Variants in LPP observed in about 807,000 individuals in gnomAD.
LPP encodes the protein LIM domain containing preferred translocation partner in lipoma, also known as lipoma-preferred partner.
LPP carries 38 observed loss-of-function variants against 60.4 expected under a neutral mutation model. The observed-to-expected ratio is 0.63, with a 90% CI of 0.49 to 0.83. The LOEUF (loss-of-function observed/expected upper bound fraction) is 0.83. Among genes scored for constraint, LPP ranks in the 40% least tolerant of loss-of-function variants. The pLI, the probability that LPP is intolerant of heterozygous loss-of-function variation, is 0.00. For missense variants in LPP, 902 were observed against 783.6 expected (o/e 1.15, Z -1.80); for synonymous variants, 328 against 290.8 (o/e 1.13, Z -1.30).
chr3:188,539,483 A>G (rs1177815630), intron 6 of LPP, among the ~76,000 whole-genome samples: 1 of 152,156 alleles, frequency 6.6e-6, no homozygotes, highest in East Asian at 1.9e-4. Flanking sequence ...GAACTGAGGA[A>G]GGCAGTCAGC....
At chr3:188,231,825 T>C (rs1315255855) in intron 2 of LPP, among the ~76,000 whole-genome samples, 1 of 152,198 alleles carries the variant, frequency 6.6e-6, no homozygotes, top group African/African-American at 2.4e-5. Flanking sequence ...AATTGGAATC[T>C]TGAGCTTTGA....
chr3:188,684,388 A>G (rs1860200451), intron 7 of LPP, among the ~76,000 whole-genome samples: 1 of 152,232 alleles, frequency 6.6e-6, no homozygotes, highest in African/African-American at 2.4e-5. Context: ...ACACCTTTTT[A>G]CATTATGAAA....
chr3:188,641,091 C>A (rs1257274262), intron 7 of LPP, among the ~76,000 whole-genome samples: 1 of 151,702 alleles, frequency 6.6e-6, no homozygotes, highest in Non-Finnish European at 1.5e-5. Context: ...AAGGTTAAAT[C>A]TAAAGAAGTA....
At chr3:188,375,225 A>G (rs1560317315) in intron 3 of LPP, among the ~76,000 whole-genome samples, 1 of 152,190 alleles carries the variant, frequency 6.6e-6, no homozygotes, top group Non-Finnish European at 1.5e-5. Context: ...GCCTCATAAA[A>G]TGAGTTAGGG....
At chr3:188,255,707 T>G (rs1341953880) in intron 2 of LPP, among the ~76,000 whole-genome samples, 2 of 152,236 alleles carry the variant, frequency 1.3e-5, no homozygotes, top group African/African-American at 4.8e-5. Flanking sequence ...ATGCTGACAC[T>G]AAAAATCTAG....
Position 188,462,628 on chromosome 3 carries a change from GTGTGTGTTAC to G in LPP, c.194-21962_194-21953del, listed in dbSNP as rs1301919296. On this transcript the variant is annotated intron_variant, in intron 4 of 11. Coordinates refer to ENST00000617246, the MANE Select transcript of LPP (RefSeq NM_001375462.1). ...TGTGTGTGTGTGTGTGTGTGTGTGTGTGTGTGTTACTTTTTTGGGTGTTTATTTTTAATTT... is the reference window on the plus strand; with the variant it reads ...TGTGTGTGTGTGTGTGTGTGTGTGTGTTTTTTGGGTGTTTATTTTTAATTT... Among the ~76,000 whole-genome samples the G allele has an allele frequency of 3.8e-3, 327 of 86,776 alleles. 2 individuals carry two copies. Among genetic ancestry groups the G allele is most frequent in the Non-Finnish European group, 7.0e-3 (267 of 38,158 alleles). 56.9% of individuals were successfully genotyped at this position (86,776 alleles called of 152,430 possible). A position where few individuals can be genotyped will look rare whatever the true frequency, so the allele number is the denominator to read the frequency against.
chr3:188,644,305 A>C (rs1850717373), intron 7 of LPP, among the ~76,000 whole-genome samples: 2 of 152,202 alleles, frequency 1.3e-5, no homozygotes, highest in Admixed American at 1.3e-4. Flanking sequence ...TAAAGAAAAC[A>C]ATTCTAGTGA....
intron 7 of LPP, among the ~76,000 whole-genome samples, chr3:188,698,062 G>A (rs546047695): frequency 3.9e-5 from 6 of 152,230 alleles, no homozygotes; most frequent in African/African-American, 1.4e-4. Context: ...TTGTAATTGA[G>A]GATAGTTTTT....
At chr3:188,154,103 C>G, upstream of LPP, 1 of 162,104 alleles carries the variant, frequency 6.2e-6, no homozygotes, top group Non-Finnish European at 1.3e-5. Flanking sequence ...CAGTGTGGGG[C>G]GCGGGGCCGG....
intron 7 of LPP, among the ~76,000 whole-genome samples, chr3:188,697,901 T>C (rs1863614207): frequency 6.8e-6 from 1 of 146,924 alleles, no homozygotes; most frequent in South Asian, 2.1e-4. Context: ...GGCACTATAA[T>C]GGCAAGAATT....
At chr3:188,617,224 T>C (rs369410600) in intron 7 of LPP, among the ~76,000 whole-genome samples, 4 of 152,304 alleles carry the variant, frequency 2.6e-5, no homozygotes, top group East Asian at 3.9e-4. Flanking sequence ...TTCAGAATCA[T>C]AAGTCTTAAC....
intron 5 of LPP, among the ~76,000 whole-genome samples, chr3:188,506,454 G>A (rs1361809651): frequency 6.6e-6 from 1 of 152,132 alleles, no homozygotes; most frequent in Non-Finnish European, 1.5e-5. Context: ...ATCATTGCAT[G>A]TACATTAATC....
At chr3:188,845,642 C>A (rs1761207167) in intron 9 of LPP, among the ~76,000 whole-genome samples, 1 of 152,146 alleles carries the variant, frequency 6.6e-6, no homozygotes, top group African/African-American at 2.4e-5. Context: ...GGTATATATG[C>A]TGTGTACCCT....
rs367741333 is a variant in LPP, at chr3:188,233,641, C to T, written c.-67+8114C>T. ...GACATGAAAACAAAATAGGTTTTTA[C>T]ATAATGAAAGTATTCCTGTAATACA... is the stretch of plus-strand genomic sequence containing the variant. On this transcript the variant is annotated intron_variant, in intron 2 of 11. Transcript: ENST00000617246. 5.4e-4 allele frequency among the ~76,000 whole-genome samples: 82 copies of T among 152,290 alleles called. No individual in the cohort carries two copies. The South Asian group carries it at 0.017, about 32-fold the overall frequency.
At chr3:188,780,987 T>C (rs1348138014) in intron 9 of LPP, among the ~76,000 whole-genome samples, 1 of 152,172 alleles carries the variant, frequency 6.6e-6, no homozygotes. Context: ...ACAAATCTGG[T>C]GCCAAAAGGC....
intron 6 of LPP, among the ~76,000 whole-genome samples, chr3:188,544,019 T>C (rs1022695938): frequency 2.0e-5 from 3 of 152,172 alleles, no homozygotes; most frequent in Admixed American, 1.3e-4. Flanking sequence ...GAGTAACAGG[T>C]AATGAAAGGT....
At chr3:188,706,251 G>A (rs896826610) in intron 7 of LPP, among the ~76,000 whole-genome samples, 6 of 152,050 alleles carry the variant, frequency 3.9e-5, no homozygotes, top group East Asian at 1.9e-4. Flanking sequence ...GATTTTTGGG[G>A]GGCTCTCAGT....
chr3:188,683,862 C>T (rs1242510627), intron 7 of LPP, among the ~76,000 whole-genome samples: 2 of 152,316 alleles, frequency 1.3e-5, no homozygotes, highest in South Asian at 4.1e-4. Flanking sequence ...GATTCAAACA[C>T]ATTATGCATA....
chr3:188,580,497 G>T (rs1835823991), intron 6 of LPP, among the ~76,000 whole-genome samples: 1 of 152,156 alleles, frequency 6.6e-6, no homozygotes, highest in Non-Finnish European at 1.5e-5. Flanking sequence ...AGGATTCAGA[G>T]AGTTTCCATC....
Sources: allele counts gnomAD v4.1 joint callset (sites outside exome capture counted in the v4.1 genomes callset), GRCh38; gene constraint gnomAD v4.1.1; transcripts MANE v1.5; gene names NCBI Gene and HGNC (gene_info 2026-07-23, HGNC 2026-07-21).